Variants in ADGRF5 observed in about 807,000 individuals in gnomAD.
The protein encoded by ADGRF5 is G-protein coupled receptor 116.
A neutral mutation model predicts 132.3 loss-of-function variants in ADGRF5; 75 were observed. The ratio of observed to expected loss-of-function variants is 0.57; its 90% confidence interval spans 0.47 to 0.69. ADGRF5 has a LOEUF of 0.69. ADGRF5 is among the 30% of genes least tolerant of loss of function. The pLI, the probability that ADGRF5 is intolerant of heterozygous loss-of-function variation, is 0.00. For synonymous variants in ADGRF5, 629 were observed against 597.6 expected (o/e 1.05, Z -0.77); for missense variants, 1,516 against 1,630.6 (o/e 0.93, Z 1.21).
intron 17 of ADGRF5, 74 bp downstream of exon 17, chr6:46,858,055 T>C (rs1769259720): frequency 1.8e-6 from 2 of 1,140,878 alleles, no homozygotes; most frequent in Middle Eastern, 2.1e-4. Context: ...ATTCCTACTC[T>C]TGTTTGTGTT....
chr6:46,864,162 T>G (rs1288769904), intron 14 of ADGRF5, among the ~76,000 whole-genome samples: 2 of 152,222 alleles, frequency 1.3e-5, no homozygotes, highest in Non-Finnish European at 2.9e-5. Context: ...AGATTCTCCC[T>G]TAAGATGACC....
At chr6:46,928,114 A>G (rs1172154754) in intron 1 of ADGRF5, among the ~76,000 whole-genome samples, 1 of 152,208 alleles carries the variant, frequency 6.6e-6, no homozygotes, top group African/African-American at 2.4e-5. Flanking sequence ...ATTGGGTTCC[A>G]GACGAAGCAT....
At chr6:46,947,187 C>G (rs1778329539) in intron 1 of ADGRF5, among the ~76,000 whole-genome samples, 1 of 152,132 alleles carries the variant, frequency 6.6e-6, no homozygotes, top group Non-Finnish European at 1.5e-5. Context: ...TATACCCCAG[C>G]TTTAGCCAAT....
At chr6:46,949,583 A>T (rs1778421670) in intron 1 of ADGRF5, among the ~76,000 whole-genome samples, 1 of 152,224 alleles carries the variant, frequency 6.6e-6, no homozygotes, top group Non-Finnish European at 1.5e-5. Context: ...CAAATATTCC[A>T]TTCATAGTCC....
intron 1 of ADGRF5, among the ~76,000 whole-genome samples, chr6:46,951,895 C>T (rs939992490): frequency 6.6e-6 from 1 of 152,238 alleles, no homozygotes; most frequent in Non-Finnish European, 1.5e-5. Flanking sequence ...AATAAAATGG[C>T]TCTCTTAAGA....
At position 46,895,035 on chromosome 6, in the gene ADGRF5, G is replaced by C. The variant is rs187066668; in HGVS notation, c.157+4994C>G. On this transcript the variant is annotated intron_variant, in intron 3 of 20. Transcript: ENST00000283296. ...TACTAAAAATACAAAAAATTAGCTGGGTGTGGTGGCATGCACCTGTAATTC... is the reference window on the plus strand; with the variant it reads ...TACTAAAAATACAAAAAATTAGCTGCGTGTGGTGGCATGCACCTGTAATTC... Among the ~76,000 whole-genome samples, 4 of 152,090 alleles carry C rather than the reference G, an allele frequency of 2.6e-5. No homozygotes were observed. The East Asian group carries it at 7.8e-4, about 30-fold the overall frequency.
At chr6:46,898,909 G>A (rs557344787) in intron 3 of ADGRF5, among the ~76,000 whole-genome samples, 14 of 152,352 alleles carry the variant, frequency 9.2e-5, no homozygotes, top group African/African-American at 3.4e-4. Flanking sequence ...GTGCTGTAAT[G>A]TGAACGTGCA....
rs1768762809 is a variant in ADGRF5, at chr6:46,854,062, T to C, written c.3971A>G (p.Asn1324Ser). 1 of 1,596,526 alleles carries C rather than the reference T, an allele frequency of 6.3e-7. No individual in the cohort carries two copies. The highest frequency in any genetic ancestry group is 1.1e-5 in the South Asian group (1 of 88,426). The change falls in exon 21 of 21, where the codon AAT (asparagine) becomes AGT (serine). Residue 1324 changes from asparagine (N) to serine (S), a missense_variant. Around this residue, in one of 2 missense-constraint regions of ADGRF5, gnomAD observed 571 missense variants for 701.2 expected, o/e 0.81. Coordinates refer to ENST00000283296, the MANE Select transcript of ADGRF5 (RefSeq NM_001098518.2). Reference sequence around the variant, plus strand: ...GCTGGTTGCTTCTGGGGTGGAAACATTATACGTTCCTGAAAAACAGAGCAG... The same window carrying C: ...GCTGGTTGCTTCTGGGGTGGAAACACTATACGTTCCTGAAAAACAGAGCAG... ...NNLFGKTGTYNVSTPEATSSS... is the reference protein window; with the variant it reads ...NNLFGKTGTYSVSTPEATSSS...
At chr6:46,858,093 A>C in intron 17 of ADGRF5, 36 bp downstream of exon 17, 12 of 1,482,454 alleles carry the variant, frequency 8.1e-6, no homozygotes, top group Non-Finnish European at 1.1e-5. Context: ...CTACAGGAAT[A>C]AAATCTTCCT....
chr6:46,924,055 A>G (rs977061872), upstream of ADGRF5, among the ~76,000 whole-genome samples: 2 of 152,168 alleles, frequency 1.3e-5, no homozygotes, highest in African/African-American at 2.4e-5. Context: ...CAAAGCTCCT[A>G]CTTTCTCAGG....
chr6:46,898,858 A>G (rs1444465379), intron 3 of ADGRF5, among the ~76,000 whole-genome samples: 5 of 152,190 alleles, frequency 3.3e-5, no homozygotes, highest in African/African-American at 9.7e-5. Flanking sequence ...GTTGGTACAG[A>G]CACTCAGCCA....
chr6:46,933,444 G>A (rs1582057704), intron 1 of ADGRF5, among the ~76,000 whole-genome samples: 1 of 152,140 alleles, frequency 6.6e-6, no homozygotes, highest in Admixed American at 6.5e-5. Context: ...CCAAGTTGTG[G>A]ATATGTCATT....
At chr6:46,887,257 G>C (rs1298559644) in intron 4 of ADGRF5, among the ~76,000 whole-genome samples, 4 of 152,178 alleles carry the variant, frequency 2.6e-5, no homozygotes, top group Non-Finnish European at 1.5e-5. Flanking sequence ...AAGCAAAATT[G>C]ACTAAAATCT....
Position 46,869,276 on chromosome 6 carries a change from A to G in ADGRF5, c.1412-184T>C. The G allele has an allele frequency of 2.1e-6, 3 of 1,436,798 alleles. No homozygotes were observed. The East Asian group carries it at 7.6e-5, about 36-fold the overall frequency. 89.0% of individuals were successfully genotyped at this position (1,436,798 alleles called of 1,614,324 possible). On this transcript the variant is annotated intron_variant, in intron 11 of 20. Transcript: ENST00000283296. ...CTGCTCCTGGGCTTTACTCGTTTCT[A>G]GGCTGTTCCTGGTGGTGCTCTGCAC... is the stretch of plus-strand genomic sequence containing the variant.
Position 46,853,942 on chromosome 6 carries a change from A to G in ADGRF5, c.*50T>C. 7.7e-7 allele frequency: 1 copy of G among 1,293,988 alleles called. No homozygotes were observed. Among genetic ancestry groups the G allele is most frequent in the Non-Finnish European group, 1.1e-6 (1 of 915,682 alleles). The allele number at this position is 1,293,988 out of a possible 1,614,324, so 80.2% of individuals were successfully genotyped here. A position where few individuals can be genotyped will look rare whatever the true frequency, so the allele number is the denominator to read the frequency against. On this transcript the variant is annotated 3_prime_UTR_variant, in exon 21 of 21. Transcript: ENST00000283296. Reference sequence around the variant, plus strand: ...TTGCTTTGCAAGCATCTCTTTTTAAAAGCACAGCCACTGTCCCCGGGAGGT... The same window carrying G: ...TTGCTTTGCAAGCATCTCTTTTTAAGAGCACAGCCACTGTCCCCGGGAGGT...
At chr6:46,924,892 T>G (rs1306921271), upstream of ADGRF5, among the ~76,000 whole-genome samples, 1 of 152,212 alleles carries the variant, frequency 6.6e-6, no homozygotes, top group Non-Finnish European at 1.5e-5. Context: ...AGTCTGGCAC[T>G]TCTTCCCCTT....
intron 15 of ADGRF5, 90 bp downstream of exon 15, chr6:46,862,798 C>T (rs550613325): frequency 4.5e-6 from 3 of 663,834 alleles, no homozygotes; most frequent in Non-Finnish European, 5.1e-6. Context: ...CACAAAGCAG[C>T]ACCAAACCCA....
In ADGRF5 at chr6:46,880,023, A is replaced by G. The variant is rs916806401; in HGVS notation, c.831T>C (p.Phe277=). The G allele has an allele frequency of 6.2e-7, 1 of 1,613,870 alleles. No individual in the cohort carries two copies. Among genetic ancestry groups the G allele is most frequent in the Non-Finnish European group, 8.5e-7 (1 of 1,179,734 alleles). ...CTTCAAAGATGATTTCTGGTGTGACAAAGAAATTGCTTTCATCTGGAAACC... is the reference window on the plus strand; with the variant it reads ...CTTCAAAGATGATTTCTGGTGTGACGAAGAAATTGCTTTCATCTGGAAACC... ...QAVTINESNF[F]VTPEIIFEGD... The change falls in exon 9 of 21, where the codon TTT becomes TTC. Residue 277 remains phenylalanine, a synonymous_variant. Transcript: ENST00000283296.
chr6:46,857,729 T>G (rs1769219521), intron 17 of ADGRF5, among the ~76,000 whole-genome samples: 2 of 152,122 alleles, frequency 1.3e-5, no homozygotes. Flanking sequence ...GAACCTACTC[T>G]GTACCAAGGT....
Sources: allele counts gnomAD v4.1 joint callset (sites outside exome capture counted in the v4.1 genomes callset), GRCh38; gene constraint gnomAD v4.1.1; regional missense constraint gnomAD v4.1.1; transcripts MANE v1.5; gene names NCBI Gene and HGNC (gene_info 2026-07-23, HGNC 2026-07-21).